The following DENND2A variants were observed in gnomAD, a reference collection of about 807,000 sequenced individuals.
DENND2A encodes DENN domain containing 2A, also known as DENN domain-containing protein 2A.
In DENND2A, 53 loss-of-function variants were observed where a neutral mutation model predicts 105.3. The observed-to-expected ratio is 0.50, with a 90% CI of 0.40 to 0.63. The LOEUF is 0.63. DENND2A is among the 30% of genes least tolerant of loss of function. DENND2A has a pLI of 0.00. For missense variants in DENND2A, 1,138 were observed against 1,279.6 expected (o/e 0.89, Z 1.69); for synonymous variants, 522 against 508.4 (o/e 1.03, Z -0.36).
chr7:140,635,816 T>A (rs923150266), intron 1 of DENND2A, among the ~76,000 whole-genome samples: 51 of 152,214 alleles, frequency 3.4e-4, no homozygotes, highest in Admixed American at 2.3e-3. Context: ...TAGGCCCAGC[T>A]GGCAAAGAAC....
rs777780915 is a variant in DENND2A, at chr7:140,525,748, C to T, written c.2547+3G>A. 8 of 1,607,066 alleles carry T rather than the reference C, an allele frequency of 5.0e-6. No homozygotes were observed. The African/African-American group carries it at 6.7e-5, about 13-fold the overall frequency. Reference sequence around the variant, plus strand: ...GCAGGAGGCCGTCGCTGGCCTCACTCACCTGTCTGAGGAACCGGCTGTTGA... The same window carrying T: ...GCAGGAGGCCGTCGCTGGCCTCACTTACCTGTCTGAGGAACCGGCTGTTGA... On this transcript the variant is annotated splice_donor_region_variant and intron_variant, in intron 16 of 19. Transcript: ENST00000496613.
chr7:140,544,384 G>A (rs551618241), intron 14 of DENND2A: 105 of 594,996 alleles, frequency 1.8e-4, no homozygotes, highest in South Asian at 1.6e-3. Context: ...TAGTAGAGAC[G>A]GAGTTTCACC....
At chr7:140,621,907 T>C (rs1282354676) in intron 1 of DENND2A, among the ~76,000 whole-genome samples, 2 of 152,124 alleles carry the variant, frequency 1.3e-5, no homozygotes, top group African/African-American at 4.8e-5. Context: ...TCAGAATGAC[T>C]AATATTTAAG....
intron 1 of DENND2A, among the ~76,000 whole-genome samples, chr7:140,638,983 G>A (rs921104963): frequency 5.3e-5 from 8 of 152,190 alleles, no homozygotes; most frequent in African/African-American, 1.7e-4. Flanking sequence ...TGTCTAGCAC[G>A]CATGCCTAGC....
At chr7:140,530,059 C>CAAAAA (rs3042405) in intron 14 of DENND2A, among the ~76,000 whole-genome samples, 47 of 122,436 alleles carry the variant, frequency 3.8e-4, no homozygotes, top group Middle Eastern at 4.4e-3. Flanking sequence ...CCCTGTTTCT[C>CAAAAA]AAAAAAAAAA....
At chr7:140,584,074 T>C (rs1798671724) in intron 5 of DENND2A, among the ~76,000 whole-genome samples, 1 of 148,322 alleles carries the variant, frequency 6.7e-6, no homozygotes, top group Admixed American at 6.6e-5. Context: ...AAACCCCATC[T>C]CTACTAAAAG....
At position 140,637,318 on chromosome 7, in the gene DENND2A, C is replaced by T. The variant is rs538340398; in HGVS notation, c.-248+3186G>A. ...CCCACTCCTACTGAATGTCAATTTA[C>T]GACAGCTATAGTTGGCAAGAAATAG... is the stretch of plus-strand genomic sequence containing the variant. On this transcript the variant is annotated intron_variant, in intron 1 of 19. Coordinates refer to ENST00000496613, the MANE Select transcript of DENND2A (RefSeq NM_015689.5). Among the ~76,000 whole-genome samples the T allele has an allele frequency of 3.3e-5, 5 of 152,170 alleles. 1 individual carries two copies. Among genetic ancestry groups the T allele is most frequent in the Non-Finnish European group, 7.3e-5 (5 of 68,028 alleles).
chr7:140,583,226 G>A (rs1017769224), intron 5 of DENND2A, among the ~76,000 whole-genome samples: 2 of 151,920 alleles, frequency 1.3e-5, no homozygotes, highest in South Asian at 2.1e-4. Context: ...GGAGAATGGC[G>A]TGAACCCGGG....
intron 9 of DENND2A, among the ~76,000 whole-genome samples, chr7:140,562,048 C>G (rs1797638570): frequency 2.0e-5 from 3 of 151,584 alleles, no homozygotes; most frequent in Non-Finnish European, 4.4e-5. Flanking sequence ...TGCCACCACG[C>G]CTGAATAATT....
chr7:140,613,498 C>A (rs917974309), intron 1 of DENND2A, among the ~76,000 whole-genome samples: 2 of 151,392 alleles, frequency 1.3e-5, no homozygotes, highest in Non-Finnish European at 2.9e-5. Context: ...CGAGATCACA[C>A]CCTTGCACTC....
chr7:140,546,760 C>G (rs1359662609), intron 13 of DENND2A, 39 bp downstream of exon 13: 4 of 1,609,290 alleles, frequency 2.5e-6, no homozygotes, highest in East Asian at 2.2e-5. Flanking sequence ...GTCTGGGCCA[C>G]TGCCTCCCCA....
intron 11 of DENND2A, among the ~76,000 whole-genome samples, chr7:140,557,632 C>T (rs1022437331): frequency 2.2e-5 from 3 of 136,542 alleles, no homozygotes; most frequent in African/African-American, 5.3e-5. Context: ...CTCCGCCTCC[C>T]GGGTTCACGC....
chr7:140,519,763 C>T, intron 18 of DENND2A, 45 bp from the exon 19 acceptor site: 1 of 1,560,182 alleles, frequency 6.4e-7, no homozygotes, highest in African/African-American at 1.4e-5. Context: ...TTGGTCTTTG[C>T]ACTTCTAAAT....
Position 140,561,744 on chromosome 7 carries a change from G to A in DENND2A, c.1780-1927C>T, listed in dbSNP as rs1404432938. On this transcript the variant is annotated intron_variant, in intron 9 of 19. Transcript: ENST00000496613. ...TGGCCAGGCTGATCTTGAACTCCTG[G>A]CCTCAAGTGATCTGCCTGCCTCAGC... 2.0e-5 allele frequency among the ~76,000 whole-genome samples: 3 copies of A among 150,340 alleles called. No homozygotes were observed. In the East Asian group the frequency reaches 5.9e-4, roughly 30 times the overall value.
chr7:140,609,490 G>T (rs1290480967), intron 1 of DENND2A, among the ~76,000 whole-genome samples: 1 of 152,134 alleles, frequency 6.6e-6, no homozygotes, highest in African/African-American at 2.4e-5. Context: ...TCCAGCCTGG[G>T]CAACAGAGTG....
chr7:140,530,475 T>C (rs1471844318), intron 14 of DENND2A, among the ~76,000 whole-genome samples: 1 of 152,112 alleles, frequency 6.6e-6, no homozygotes, highest in African/African-American at 2.4e-5. Context: ...AATAGCAGCA[T>C]GGCATCCATG....
chr7:140,609,529 A>G lies in DENND2A; in HGVS notation c.-247-3723T>C, dbSNP rs796147865. On this transcript the variant is annotated intron_variant, in intron 1 of 19. Transcript: ENST00000496613. ...CTCTTTTTTGAGAGTCTGTCTCAAAACAAACAAAAAAAATTAATTAGACTA... is the reference window on the plus strand; with the variant it reads ...CTCTTTTTTGAGAGTCTGTCTCAAAGCAAACAAAAAAAATTAATTAGACTA... Among the ~76,000 whole-genome samples, 8 of 152,298 alleles carry G rather than the reference A, an allele frequency of 5.3e-5. 1 individual carries two copies. The highest frequency in any genetic ancestry group is 1.9e-4 in the African/African-American group (8 of 41,560).
intron 1 of DENND2A, among the ~76,000 whole-genome samples, chr7:140,611,525 G>T (rs1435288116): frequency 6.6e-6 from 1 of 152,108 alleles, no homozygotes; most frequent in South Asian, 2.1e-4. Context: ...ACAACAGAGC[G>T]AGACCCTGTC....
chr7:140,623,430 C>A (rs1338422314), intron 1 of DENND2A, among the ~76,000 whole-genome samples: 1 of 150,168 alleles, frequency 6.7e-6, no homozygotes, highest in Non-Finnish European at 1.5e-5. Flanking sequence ...TTTCTGAGGA[C>A]CTAAAGAGCG....
Sources: gnomAD v4.1 joint callset for allele counts (sites outside exome capture counted in the v4.1 genomes callset) on GRCh38, gnomAD v4.1.1 for gene constraint, MANE v1.5 for transcripts, NCBI Gene and HGNC (gene_info 2026-07-23, HGNC 2026-07-21) for gene names.